Variants in CDK8 observed in about 807,000 individuals in gnomAD.
The protein encoded by CDK8 is cyclin-dependent kinase 8.
In CDK8, 29 loss-of-function variants were observed where a neutral mutation model predicts 71.5. The observed-to-expected ratio is 0.41, with a 90% CI of 0.30 to 0.55. The LOEUF (loss-of-function observed/expected upper bound fraction) is 0.55. Ranked by LOEUF, CDK8 falls within the 20% of genes least tolerant of loss-of-function variation. The probability of loss-of-function intolerance (pLI) is 0.37; values close to 1 mark genes in which losing one functional copy is unlikely to be tolerated. For synonymous variants in CDK8, 161 were observed against 192.1 expected (o/e 0.84, Z 1.34); for missense variants, 288 against 572.6 (o/e 0.50, Z 5.07).
At chr13:26,363,597 TG>T (rs1565986748) in intron 4 of CDK8, among the ~76,000 whole-genome samples, 1 of 151,990 alleles carries the variant, frequency 6.6e-6, no homozygotes, top group Non-Finnish European at 1.5e-5. Context: ...CTTGGGCTCT[TG>T]GGCTCAAGCA....
At chr13:26,255,739 A>G (rs1044007689) in intron 1 of CDK8, among the ~76,000 whole-genome samples, 5 of 152,216 alleles carry the variant, frequency 3.3e-5, no homozygotes, top group African/African-American at 1.2e-4. Context: ...GTCAAAGCTT[A>G]TTATATAATC....
intron 1 of CDK8, among the ~76,000 whole-genome samples, chr13:26,282,959 A>G (rs1324120465): frequency 6.6e-6 from 1 of 152,246 alleles, no homozygotes; most frequent in Admixed American, 6.5e-5. Flanking sequence ...GTTAAAAAAG[A>G]CAAAGAAGGA....
In CDK8 at chr13:26,297,930, C is replaced by T. The variant is rs553258896; in HGVS notation, c.129-39637C>T. ...TCAGGGTTATAGGGTGCTGTCCTCT[C>T]GCTATATCCTCACTTGGTGGAAAGA... On this transcript the variant is annotated intron_variant, in intron 1 of 12. Transcript: ENST00000381527. Among the ~76,000 whole-genome samples the T allele has an allele frequency of 5.3e-5, 8 of 152,212 alleles. No individual in the cohort carries two copies. In the East Asian group the frequency reaches 1.4e-3, roughly 26 times the overall value.
At chr13:26,295,503 T>A (rs1873511260) in intron 1 of CDK8, among the ~76,000 whole-genome samples, 1 of 152,194 alleles carries the variant, frequency 6.6e-6, no homozygotes, top group Admixed American at 6.5e-5. Context: ...GGCTGGGTAA[T>A]GACAATCAGC....
Position 26,277,588 on chromosome 13 carries a change from G to A in CDK8, c.128+22819G>A, listed in dbSNP as rs188253780. 3.0e-4 allele frequency among the ~76,000 whole-genome samples: 46 copies of A among 152,252 alleles called. No individual in the cohort carries two copies. The East Asian group carries it at 8.5e-3, about 28-fold the overall frequency. On this transcript the variant is annotated intron_variant, in intron 1 of 12. Transcript: ENST00000381527. ...GGTACCATAGTATATAAACTAAAAG[G>A]GTTTGGGTGTTTCAACTTGGAAGTT...
chr13:26,309,679 T>G (rs183742829), intron 1 of CDK8, among the ~76,000 whole-genome samples: 4 of 151,948 alleles, frequency 2.6e-5, no homozygotes, highest in Admixed American at 2.6e-4. Context: ...AGGCTCGAGA[T>G]ACCCTTAATG....
chr13:26,363,769 C>G (rs745888073), intron 4 of CDK8, among the ~76,000 whole-genome samples: 25 of 151,922 alleles, frequency 1.6e-4, no homozygotes, highest in Non-Finnish European at 3.4e-4. Context: ...CTTCATGTGT[C>G]CTTGGTGAAG....
chr13:26,262,023 A>G (rs1886253), intron 1 of CDK8, among the ~76,000 whole-genome samples: 62,220 of 151,900 alleles, frequency 0.41, 14,439 homozygotes, highest in Non-Finnish European at 0.52. Flanking sequence ...AACTTAGACC[A>G]CTCTGACCTT....
intron 4 of CDK8, among the ~76,000 whole-genome samples, chr13:26,374,585 T>C (rs928003075): frequency 1.3e-5 from 2 of 151,776 alleles, no homozygotes; most frequent in Non-Finnish European, 1.5e-5. Context: ...ATTAGGAAAA[T>C]GGCAAAAATA....
Position 26,401,606 on chromosome 13 carries a change from C to T in CDK8, c.1251C>T (p.Ile417=), listed in dbSNP as rs780824420. 2 of 1,614,098 alleles carry T rather than the reference C, an allele frequency of 1.2e-6. No individual in the cohort carries two copies. Among genetic ancestry groups the T allele is most frequent in the Non-Finnish European group, 1.7e-6 (2 of 1,179,990 alleles). ...VPPTTTSGGL[I]MTSDYQRSNP... The stretch of plus-strand genomic sequence containing the variant: ...CTACCACTACCTCAGGTGGACTTAT[C>T]ATGACCTCAGACTATCAGGTATTCC... The change falls in exon 12 of 13, where the codon ATC becomes ATT. Residue 417 remains isoleucine, a synonymous_variant. Transcript: ENST00000381527. The surrounding 1 kb of genome is among the most constrained non-coding windows in gnomAD (Gnocchi z 4.5).
chr13:26,373,284 T>A (rs1053904040), intron 4 of CDK8, among the ~76,000 whole-genome samples: 8 of 152,210 alleles, frequency 5.3e-5, no homozygotes, highest in Non-Finnish European at 4.4e-5. Context: ...CTAATGTCTG[T>A]CTTCCTTATG....
intron 4 of CDK8, among the ~76,000 whole-genome samples, chr13:26,362,977 A>G (rs1874214365): frequency 7.2e-6 from 1 of 139,626 alleles, no homozygotes; most frequent in South Asian, 2.4e-4. Flanking sequence ...GAGATATACT[A>G]TAACTTTTCA....
chr13:26,367,155 C>T (rs1338344575), intron 4 of CDK8, among the ~76,000 whole-genome samples: 1 of 151,928 alleles, frequency 6.6e-6, no homozygotes, highest in African/African-American at 2.4e-5. Flanking sequence ...TCTCTTTTTT[C>T]CCCCCTTCTG....
chr13:26,283,260 A>G (rs974550277), intron 1 of CDK8, among the ~76,000 whole-genome samples: 6 of 152,236 alleles, frequency 3.9e-5, no homozygotes, highest in Admixed American at 3.9e-4. Flanking sequence ...TTGTCAGCAC[A>G]TGGAACATTC....
At chr13:26,371,595 A>G (rs1874688122) in intron 4 of CDK8, among the ~76,000 whole-genome samples, 1 of 152,136 alleles carries the variant, frequency 6.6e-6, no homozygotes, top group Admixed American at 6.5e-5. Context: ...CAATTGTACA[A>G]AAAGAAATAG....
chr13:26,356,298 G>A (rs946863980), intron 4 of CDK8, among the ~76,000 whole-genome samples: 6 of 152,150 alleles, frequency 3.9e-5, no homozygotes, highest in Non-Finnish European at 8.8e-5. Context: ...TCTCTACGGT[G>A]AGGCAAATCA....
intron 3 of CDK8, among the ~76,000 whole-genome samples, chr13:26,352,301 C>T (rs978490612): frequency 1.3e-5 from 2 of 152,068 alleles, no homozygotes; most frequent in African/African-American, 4.8e-5. Flanking sequence ...CTGCAAGCTC[C>T]GCCTTCCAGG....
intron 1 of CDK8, among the ~76,000 whole-genome samples, chr13:26,320,539 A>C (rs562788113): frequency 6.6e-6 from 1 of 152,346 alleles, no homozygotes; most frequent in East Asian, 1.9e-4. Context: ...AACTTCATGA[A>C]AATTTTAAGT....
intron 1 of CDK8, among the ~76,000 whole-genome samples, chr13:26,331,273 GC>G (rs1875303453): frequency 6.6e-6 from 1 of 151,830 alleles, no homozygotes; most frequent in African/African-American, 2.4e-5. Context: ...CATGTCCTTT[GC>G]CCACTTTTCA....
Sources: allele counts gnomAD v4.1 joint callset (sites outside exome capture counted in the v4.1 genomes callset), GRCh38; gene constraint gnomAD v4.1.1; non-coding constraint Gnocchi (gnomAD v3.1); transcripts MANE v1.5; gene names NCBI Gene and HGNC (gene_info 2026-07-23, HGNC 2026-07-21).